JAKMIP1: variants seen among roughly 807,000 people sequenced by gnomAD.
JAKMIP1 encodes the protein janus kinase and microtubule interacting protein 1.
JAKMIP1 carries 33 observed loss-of-function variants against 113.0 expected under a neutral mutation model. The observed-to-expected ratio is 0.29, with a 90% confidence interval of 0.22 to 0.39. The LOEUF is 0.39. Among genes scored for constraint, JAKMIP1 ranks in the 10% least tolerant of loss-of-function variants. JAKMIP1 has a pLI of 1.00. For synonymous variants in JAKMIP1, 480 were observed against 459.9 expected (o/e 1.04, Z -0.56); for missense variants, 813 against 1,080.5 (o/e 0.75, Z 3.47).
intron 3 of JAKMIP1, among the ~76,000 whole-genome samples, chr4:6,103,327 T>C (rs1165326517): frequency 1.3e-5 from 2 of 152,262 alleles, no homozygotes; most frequent in Non-Finnish European, 2.9e-5. Context: ...TTTTAGAATA[T>C]GAAGCCAATC....
At position 6,076,340 on chromosome 4, in the gene JAKMIP1, T is replaced by A. The variant is rs1230739231; in HGVS notation, c.1302+2599A>T. On this transcript the variant is annotated intron_variant, in intron 8 of 20. Transcript: ENST00000409021. This position sits in a 1 kb window ranked among gnomAD's most constrained non-coding sequence, Gnocchi z 4.8. ...GGTGGGAAAAGCTTGGGCCTTGTAG[T>A]CTCAGACTTGAGTTTGAAACTCAGC... 6.6e-6 allele frequency among the ~76,000 whole-genome samples: 1 copy of A among 152,196 alleles called. No individual in the cohort carries two copies. The highest frequency in any genetic ancestry group is 6.5e-5 in the Admixed American group (1 of 15,274).
Position 6,094,547 on chromosome 4 carries a change from G to A in JAKMIP1, c.625-8918C>T, listed in dbSNP as rs1247851266. On this transcript the variant is annotated intron_variant, in intron 3 of 20. Transcript: ENST00000409021. This position sits in a 1 kb window ranked among gnomAD's most constrained non-coding sequence, Gnocchi z 4.2. ...GGCACCCAGCCTAGGCTGGTCCATC[G>A]GCCCCTGTTCTCCTAGTTGAGATCC... Among the ~76,000 whole-genome samples the A allele has an allele frequency of 6.6e-6, 1 of 152,168 alleles. No individual in the cohort carries two copies. Among genetic ancestry groups the A allele is most frequent in the African/African-American group, 2.4e-5 (1 of 41,440 alleles).
Position 6,067,259 on chromosome 4 carries a change from G to A in JAKMIP1, c.1303-2251C>T, listed in dbSNP as rs1441439300. Reference sequence around the variant, plus strand: ...TGTTAATGAACTCAAAGCCACACTAGTTTGTCTATCCACAAACAGATTTTG... The same window carrying A: ...TGTTAATGAACTCAAAGCCACACTAATTTGTCTATCCACAAACAGATTTTG... On this transcript the variant is annotated intron_variant, in intron 8 of 20. Transcript: ENST00000409021. The surrounding 1 kb of genome is among the most constrained non-coding windows in gnomAD (Gnocchi z 4.6). 2.6e-5 allele frequency among the ~76,000 whole-genome samples: 4 copies of A among 152,202 alleles called. No individual in the cohort carries two copies. The highest frequency in any genetic ancestry group is 6.5e-5 in the Admixed American group (1 of 15,286).
Position 6,158,869 on chromosome 4 carries a change from G to A in JAKMIP1, c.-148+41384C>T, listed in dbSNP as rs1180616855. Reference sequence around the variant, plus strand: ...TTTGGGAGTTTGAAGCAGGAGGATCGCTTGACCTCAGGAGTTCGAGACCAG... The same window carrying A: ...TTTGGGAGTTTGAAGCAGGAGGATCACTTGACCTCAGGAGTTCGAGACCAG... On this transcript the variant is annotated intron_variant, in intron 1 of 20. Coordinates refer to ENST00000409021, the MANE Select transcript of JAKMIP1 (RefSeq NM_001099433.2). The surrounding 1 kb of genome is among the most constrained non-coding windows in gnomAD (Gnocchi z 5.3). Among the ~76,000 whole-genome samples the A allele has an allele frequency of 1.3e-5, 2 of 151,992 alleles. No individual in the cohort carries two copies. Among genetic ancestry groups the A allele is most frequent in the South Asian group, 2.1e-4 (1 of 4,824 alleles).
At chr4:6,145,144 C>T (rs116070485) in intron 1 of JAKMIP1, among the ~76,000 whole-genome samples, 6,360 of 152,160 alleles carry the variant, frequency 0.042, 194 homozygotes, top group South Asian at 0.071. Context: ...ATGCAAGTAC[C>T]TTTTTGCACC....
At chr4:6,165,451 C>T (rs1256574083) in intron 1 of JAKMIP1, among the ~76,000 whole-genome samples, 1 of 152,110 alleles carries the variant, frequency 6.6e-6, no homozygotes, top group South Asian at 2.1e-4. Context: ...GCGGTAGGTG[C>T]ACACCACCAC....
chr4:6,081,014 C>CACACACACACACACACACACACACACACA lies in JAKMIP1; in HGVS notation c.1101+594_1101+595insTGTGTGTGTGTGTGTGTGTGTGTGTGTGT, dbSNP rs1553821445. Among the ~76,000 whole-genome samples, 1 of 151,234 alleles carries CACACACACACACACACACACACACACACA rather than the reference C, an allele frequency of 6.6e-6. No homozygotes were observed. Among genetic ancestry groups the CACACACACACACACACACACACACACACA allele is most frequent in the African/African-American group, 2.4e-5 (1 of 41,148 alleles). On this transcript the variant is annotated intron_variant, in intron 6 of 20. Coordinates refer to ENST00000409021, the MANE Select transcript of JAKMIP1 (RefSeq NM_001099433.2). The surrounding 1 kb of genome is among the most constrained non-coding windows in gnomAD (Gnocchi z 4.6). ...ACACACACACACACACACACACACA[C>CACACACACACACACACACACACACACACA]CTGCATCTGCTACAGTGCAGACAGC... is the stretch of plus-strand genomic sequence containing the variant.
intron 3 of JAKMIP1, among the ~76,000 whole-genome samples, chr4:6,099,068 C>T (rs758265596): frequency 2.6e-5 from 4 of 152,196 alleles, no homozygotes; most frequent in Non-Finnish European, 5.9e-5. Context: ...CTTTATCCAT[C>T]CTATTGCTAC....
At position 6,136,747 on chromosome 4, in the gene JAKMIP1, C is replaced by T. The variant is rs953068315; in HGVS notation, c.-147-23750G>A. On this transcript the variant is annotated intron_variant, in intron 1 of 20. Coordinates refer to ENST00000409021, the MANE Select transcript of JAKMIP1 (RefSeq NM_001099433.2). This position sits in a 1 kb window ranked among gnomAD's most constrained non-coding sequence, Gnocchi z 5.9. ...ATAAATAAATAACAAGAACTTCCTC[C>T]CTGTCCAGTCCAGCCAGCTGACCAC... 1.3e-5 allele frequency among the ~76,000 whole-genome samples: 2 copies of T among 152,180 alleles called. No homozygotes were observed. The highest frequency in any genetic ancestry group is 4.8e-5 in the African/African-American group (2 of 41,440).
intron 8 of JAKMIP1, among the ~76,000 whole-genome samples, chr4:6,073,714 C>G (rs4386544): frequency 0.034 from 5,132 of 152,302 alleles, 267 homozygotes; most frequent in African/African-American, 0.11. Context: ...AAGAATCAAA[C>G]TGAGGTTCTG....
intron 11 of JAKMIP1, among the ~76,000 whole-genome samples, chr4:6,057,840 G>C (rs976479641): frequency 6.6e-6 from 1 of 152,210 alleles, no homozygotes; most frequent in African/African-American, 2.4e-5. Flanking sequence ...CCATCCTTGG[G>C]CCTTGGGCTT....
At chr4:6,174,871 T>A (rs1440443696) in intron 1 of JAKMIP1, among the ~76,000 whole-genome samples, 1 of 151,782 alleles carries the variant, frequency 6.6e-6, no homozygotes, top group Non-Finnish European at 1.5e-5. Context: ...TTCCTCACCC[T>A]CTGCCCACCC....
At position 6,044,539 on chromosome 4, in the gene JAKMIP1, T is replaced by C. The variant is rs1335841121; in HGVS notation, c.2029-2312A>G. On this transcript the variant is annotated intron_variant, in intron 16 of 20. Coordinates refer to ENST00000409021, the MANE Select transcript of JAKMIP1 (RefSeq NM_001099433.2). The surrounding 1 kb of genome is among the most constrained non-coding windows in gnomAD (Gnocchi z 4.4). ...ACAAGGCTCAGACAAGATGCGTGGT[T>C]TCTTAGAAACAGATAAGCATATTTT... is the stretch of plus-strand genomic sequence containing the variant. Among the ~76,000 whole-genome samples the C allele has an allele frequency of 6.6e-6, 1 of 152,120 alleles. No homozygotes were observed. Among genetic ancestry groups the C allele is most frequent in the Non-Finnish European group, 1.5e-5 (1 of 68,018 alleles).
intron 1 of JAKMIP1, among the ~76,000 whole-genome samples, chr4:6,117,721 C>G (rs941919852): frequency 1.3e-5 from 2 of 151,936 alleles, no homozygotes; most frequent in Admixed American, 6.6e-5. Flanking sequence ...GAGACAGGTA[C>G]GCCCCGGGGG....
chr4:6,155,406 A>G lies in JAKMIP1; in HGVS notation c.-147-42409T>C, dbSNP rs116665443. Among the ~76,000 whole-genome samples, 314 of 152,326 alleles carry G rather than the reference A, an allele frequency of 2.1e-3. 1 individual carries two copies. Among genetic ancestry groups the G allele is most frequent in the Admixed American group, 3.5e-3 (54 of 15,308 alleles). ...GAGAACCCTAAAACATAGGTATTCT[A>G]GAGATTTAAAAAGTATGGAAAGGCT... is the stretch of plus-strand genomic sequence containing the variant. On this transcript the variant is annotated intron_variant, in intron 1 of 20. Coordinates refer to ENST00000409021, the MANE Select transcript of JAKMIP1 (RefSeq NM_001099433.2). This position sits in a 1 kb window ranked among gnomAD's most constrained non-coding sequence, Gnocchi z 6.1.
At chr4:6,028,974 C>G (rs1366292905) in intron 20 of JAKMIP1, among the ~76,000 whole-genome samples, 1 of 152,242 alleles carries the variant, frequency 6.6e-6, no homozygotes, top group Non-Finnish European at 1.5e-5. Context: ...TGGTCCCTGT[C>G]CTCAAGGACT....
rs1362316395 is a variant in JAKMIP1, at chr4:6,150,882, C to A, written c.-147-37885G>T. 4.6e-5 allele frequency among the ~76,000 whole-genome samples: 7 copies of A among 152,178 alleles called. No homozygotes were observed. The highest frequency in any genetic ancestry group is 8.8e-5 in the Non-Finnish European group (6 of 68,028). On this transcript the variant is annotated intron_variant, in intron 1 of 20. Coordinates refer to ENST00000409021, the MANE Select transcript of JAKMIP1 (RefSeq NM_001099433.2). This position sits in a 1 kb window ranked among gnomAD's most constrained non-coding sequence, Gnocchi z 4.8. ...CCACCGGAAGACACCCAGTGCAACA[C>A]CTGAAGCAGTCAGCGTTGAGTGTGC...
chr4:6,109,086 C>T (rs144175414), intron 2 of JAKMIP1, among the ~76,000 whole-genome samples: 8 of 148,086 alleles, frequency 5.4e-5, no homozygotes, highest in Non-Finnish European at 7.4e-5. Context: ...CTGGGTCTAG[C>T]GCTGGGGTAG....
At position 6,040,622 on chromosome 4, in the gene JAKMIP1, C is replaced by T. The variant is rs1714184576; in HGVS notation, c.2175+17G>A. Reference sequence around the variant, plus strand: ...GAGTCTAAGAAGCCAAAGTGTCAAACCCACTTCTGGTCCTACCAGGTAAGC... The same window carrying T: ...GAGTCTAAGAAGCCAAAGTGTCAAATCCACTTCTGGTCCTACCAGGTAAGC... On this transcript the variant is annotated intron_variant, in intron 18 of 20. Transcript: ENST00000409021. The surrounding 1 kb of genome is among the most constrained non-coding windows in gnomAD (Gnocchi z 5.8). The T allele has an allele frequency of 6.2e-7, 1 of 1,600,576 alleles. No individual in the cohort carries two copies.
Sources: allele counts gnomAD v4.1 joint callset (sites outside exome capture counted in the v4.1 genomes callset), GRCh38; gene constraint gnomAD v4.1.1; non-coding constraint Gnocchi (gnomAD v3.1); transcripts MANE v1.5; gene names NCBI Gene and HGNC (gene_info 2026-07-23, HGNC 2026-07-21).